Variants in TG observed in about 807,000 individuals in gnomAD.
TG encodes thyroid hormones.
Under a neutral mutation model 324.7 loss-of-function variants are expected in TG, and 270 were observed. The observed-to-expected ratio is 0.83, with a 90% CI of 0.75 to 0.92. The LOEUF (loss-of-function observed/expected upper bound fraction) is 0.92. Ranked by LOEUF, TG falls within the 40% of genes least tolerant of loss-of-function variation. TG has a pLI of 0.00. For missense variants in TG, 3,591 were observed against 3,456.4 expected, an observed-to-expected ratio of 1.04 and a Z score of -0.98; for synonymous variants, 1,401 against 1,327.0, an observed-to-expected ratio of 1.06 and a Z score of -1.21.
intron 41 of TG, among the ~76,000 whole-genome samples, chr8:133,034,163 T>G (rs1028149198): frequency 1.1e-4 from 16 of 152,354 alleles, no homozygotes; most frequent in Non-Finnish European, 2.1e-4. Context: ...TATTCTAATA[T>G]TTTTGCTGGG....
In TG at chr8:132,898,906, T is replaced by TAGA. The variant is rs760200939; in HGVS notation, c.3329_3330+1dup. On this transcript the variant is annotated inframe_insertion, in exon 14 of 48. Transcript: ENST00000220616. Reference sequence around the variant, plus strand: ...AAAGACCTGTTCGTCCCAGCCTGCCTAGAAGTAAGGGTCTGGAAGCACAGG... The same window carrying TAGA: ...AAAGACCTGTTCGTCCCAGCCTGCCTAGAAGAAGTAAGGGTCTGGAAGCACAGG... The TAGA allele has an allele frequency of 5.6e-6, 9 of 1,613,536 alleles. No individual in the cohort carries two copies. The Admixed American group carries it at 1.2e-4, about 21-fold the overall frequency.
At chr8:132,929,774 C>G (rs1020143615) in intron 23 of TG, among the ~76,000 whole-genome samples, 1 of 152,082 alleles carries the variant, frequency 6.6e-6, no homozygotes, top group South Asian at 2.1e-4. Flanking sequence ...CAGACTTTAC[C>G]ACTATACAAT....
Position 133,116,619 on chromosome 8 carries a change from A to G in TG, c.7765A>G (p.Ile2589Val), listed in dbSNP as rs2131776480. Residue 2589 changes from isoleucine (I) to valine (V), a missense_variant, in exon 45 of 48, where the codon ATC becomes GTC. Physicochemically the swap from Ile to Val is conservative, Grantham distance 29. Transcript: ENST00000220616. ...ALENATRDYF[I>V]ICPIIDMASA... ...TTCTCTTTTCACCAGGGACTACTTT[A>G]TCATCTGCCCTATAATCGACATGGC... 1 of 1,614,116 alleles carries G rather than the reference A, an allele frequency of 6.2e-7. No homozygotes were observed.
rs1339380053 is a variant in TG at position 133,019,645 on chromosome 8, G to A, written c.6826G>A (p.Gly2276Arg). The change falls in exon 39 of 48, where the codon GGA becomes AGA. Residue 2276 changes from glycine (G) to arginine (R), a missense_variant. Gly to Arg is a moderately radical substitution (Grantham distance 125, BLOSUM62 -2). Coordinates refer to ENST00000220616, the MANE Select transcript of TG (RefSeq NM_003235.5). ...AGGCACCAGAACATCCACGTCTCCT[G>A]GAGTCAGTGAAGATTGTTTGTATCT... ...QPGTRTSTSPGVSEDCLYLNV... is the reference protein window; with the variant it reads ...QPGTRTSTSPRVSEDCLYLNV... The A allele has an allele frequency of 6.2e-7, 1 of 1,613,730 alleles. No individual in the cohort carries two copies. The highest frequency in any genetic ancestry group is 1.3e-5 in the African/African-American group (1 of 74,930).
intron 35 of TG, among the ~76,000 whole-genome samples, chr8:132,984,287 GC>G (rs2130701558): frequency 6.6e-6 from 1 of 152,290 alleles, no homozygotes; most frequent in African/African-American, 2.4e-5. Context: ...TAAAACCAGG[GC>G]TGTGGCTAAA....
chr8:133,080,816 C>A (rs929961151), intron 41 of TG, among the ~76,000 whole-genome samples: 1 of 152,196 alleles, frequency 6.6e-6, no homozygotes. Context: ...GGATGCCTTT[C>A]CCCCTGCAAG....
At chr8:132,909,183 A>C (rs1458235694) in intron 18 of TG, among the ~76,000 whole-genome samples, 3 of 152,018 alleles carry the variant, frequency 2.0e-5, no homozygotes, top group Non-Finnish European at 4.4e-5. Flanking sequence ...GTAGGCTTTG[A>C]GGGGTTCAAG....
intron 23 of TG, among the ~76,000 whole-genome samples, chr8:132,931,266 C>T (rs1321946210): frequency 6.6e-6 from 1 of 152,238 alleles, no homozygotes; most frequent in African/African-American, 2.4e-5. Flanking sequence ...TCTCATTATG[C>T]ACTTAATTTA....
chr8:133,115,356 C>T (rs540140792), intron 44 of TG, among the ~76,000 whole-genome samples: 7 of 152,268 alleles, frequency 4.6e-5, no homozygotes, highest in South Asian at 4.1e-4. Flanking sequence ...CCTGCCAGTG[C>T]GTGATGCTTC....
chr8:132,932,525 T>C (rs1452760054), intron 23 of TG, among the ~76,000 whole-genome samples: 1 of 152,222 alleles, frequency 6.6e-6, no homozygotes, highest in Non-Finnish European at 1.5e-5. Context: ...CAAAAATCAG[T>C]ATTAATAATA....
At chr8:133,013,029 G>A (rs1024064514) in intron 36 of TG, among the ~76,000 whole-genome samples, 14 of 152,194 alleles carry the variant, frequency 9.2e-5, no homozygotes, top group African/African-American at 2.7e-4. Flanking sequence ...GATAAAGGCC[G>A]GAGTATGGAG....
rs188723693 is a variant in TG, at chr8:132,971,940, T to A, written c.6055+67T>A. The A allele has an allele frequency of 2.1e-3, 2,309 of 1,120,184 alleles. 15 individuals are homozygous for A. Among genetic ancestry groups the A allele is most frequent in the South Asian group, 8.4e-3 (678 of 80,836 alleles). The allele number at this position is 1,120,184 out of a possible 1,614,324, so 69.4% of individuals were successfully genotyped here. A position where few individuals can be genotyped will look rare whatever the true frequency, so the allele number is the denominator to read the frequency against. On this transcript the variant is annotated intron_variant, in intron 33 of 47. Coordinates refer to ENST00000220616, the MANE Select transcript of TG (RefSeq NM_003235.5). ...CTGCAGTTTAGAAAACACATTCACATCTATGCTTTTACAAATCCTCAGCAT... is the reference window on the plus strand; with the variant it reads ...CTGCAGTTTAGAAAACACATTCACAACTATGCTTTTACAAATCCTCAGCAT...
At chr8:133,036,020 G>A (rs1395173464) in intron 41 of TG, among the ~76,000 whole-genome samples, 1 of 152,084 alleles carries the variant, frequency 6.6e-6, no homozygotes, top group East Asian at 1.9e-4. Flanking sequence ...AGCTCCCTCA[G>A]TCTGGCCACC....
intron 43 of TG, chr8:133,106,391 G>A (rs897461883): frequency 1.0e-6 from 1 of 985,398 alleles, no homozygotes; most frequent in Non-Finnish European, 1.2e-6. Context: ...CCTGCTCTGT[G>A]TTCCATGCTC....
At chr8:133,008,853 A>T (rs1834248383) in intron 35 of TG, among the ~76,000 whole-genome samples, 1 of 152,252 alleles carries the variant, frequency 6.6e-6, no homozygotes, top group South Asian at 2.1e-4. Context: ...AGCAAATAGT[A>T]AACTCTCACA....
intron 22 of TG, among the ~76,000 whole-genome samples, chr8:132,928,854 A>G (rs1822268031): frequency 6.6e-6 from 1 of 152,208 alleles, no homozygotes; most frequent in Non-Finnish European, 1.5e-5. Context: ...ACTTCGTGAC[A>G]ATGAGGTAGA....
intron 41 of TG, among the ~76,000 whole-genome samples, chr8:133,093,261 G>A (rs1847873547): frequency 6.6e-6 from 1 of 152,062 alleles, no homozygotes. Context: ...ATTGACGCTT[G>A]TTCCTTGGGT....
intron 3 of TG, among the ~76,000 whole-genome samples, 169 bp from the exon 4 acceptor site, chr8:132,871,179 G>A (rs913429402): frequency 6.6e-6 from 1 of 152,142 alleles, no homozygotes; most frequent in Non-Finnish European, 1.5e-5. Context: ...CAGTCCACAG[G>A]ATACTAGCTA....
intron 45 of TG, among the ~76,000 whole-genome samples, chr8:133,130,677 C>G (rs1851871927): frequency 6.6e-6 from 1 of 152,196 alleles, no homozygotes; most frequent in Non-Finnish European, 1.5e-5. Context: ...GCAGACCACT[C>G]ACCCTTTGAT....
Sources: gnomAD v4.1 joint callset for allele counts (sites outside exome capture counted in the v4.1 genomes callset) on GRCh38, gnomAD v4.1.1 for gene constraint, MANE v1.5 for transcripts, NCBI Gene and HGNC (gene_info 2026-07-23, HGNC 2026-07-21) for gene names.